The following PLEKHA4 variants were observed in gnomAD, a reference collection of about 807,000 sequenced individuals.
PLEKHA4 encodes the protein pleckstrin homology domain containing A4, also known as pleckstrin homology domain-containing family A member 4.
In PLEKHA4, 73 loss-of-function variants were observed where a neutral mutation model predicts 94.7. That is an observed-to-expected ratio of 0.77 (90% CI 0.64 to 0.94). The LOEUF is 0.94. Ranked by LOEUF, PLEKHA4 falls within the 40% of genes least tolerant of loss-of-function variation. The pLI is 0.00. For missense variants in PLEKHA4, 1,049 were observed against 1,054.1 expected (o/e 1.00, Z 0.07); for synonymous variants, 449 against 437.1 (o/e 1.03, Z -0.34).
chr19:48,846,343 C>T (rs987803051), intron 14 of PLEKHA4, among the ~76,000 whole-genome samples: 8 of 149,382 alleles, frequency 5.4e-5, no homozygotes, highest in Non-Finnish European at 1.2e-4. Flanking sequence ...CCCAGCTACT[C>T]GGGAGGCTGA....
rs1411894511 is a variant in PLEKHA4, at chr19:48,847,943, G to A, written c.1523C>T (p.Ser508Phe). The change falls in exon 14 of 20, where the codon TCC becomes TTC. Residue 508 changes from serine (S) to phenylalanine (F), a missense_variant. Transcript: ENST00000263265. ...QKPPPHTEPD[S>F]PSPVLQGEES... ...CTCGCCCTGGAGCACGGGAGATGGGGAGTCAGGCTCAGTGTGTGGGGGCGG... is the reference window on the plus strand; with the variant it reads ...CTCGCCCTGGAGCACGGGAGATGGGAAGTCAGGCTCAGTGTGTGGGGGCGG... The A allele has an allele frequency of 6.2e-7, 1 of 1,605,684 alleles. No homozygotes were observed. The highest frequency in any genetic ancestry group is 1.7e-5 in the Admixed American group (1 of 58,220).
At chr19:48,843,695 T>A (rs959886630) in intron 16 of PLEKHA4, among the ~76,000 whole-genome samples, 2 of 151,974 alleles carry the variant, frequency 1.3e-5, no homozygotes, top group Non-Finnish European at 2.9e-5. Context: ...TCTTGCTCTG[T>A]CACCCAGGCT....
At position 48,858,627 on chromosome 19, in the gene PLEKHA4, C is replaced by CAAAAAAAAAAAAAAAAAAAAAAAAA. The variant is rs56663437; in HGVS notation, c.972+232_972+233insTTTTTTTTTTTTTTTTTTTTTTTTT. On this transcript the variant is annotated intron_variant, in intron 8 of 19. Coordinates refer to ENST00000263265, the MANE Select transcript of PLEKHA4 (RefSeq NM_020904.3). ...TGGCGACAGAGCAAGACCTCAGTCT[C>CAAAAAAAAAAAAAAAAAAAAAAAAA]AAAAAAAAAAAAAAAAAGCAATGGC... 9.3e-4 allele frequency among the ~76,000 whole-genome samples: 59 copies of CAAAAAAAAAAAAAAAAAAAAAAAAA among 63,418 alleles called. 5 individuals are homozygous for CAAAAAAAAAAAAAAAAAAAAAAAAA. Among genetic ancestry groups the CAAAAAAAAAAAAAAAAAAAAAAAAA allele is most frequent in the African/African-American group, 2.7e-3 (25 of 9,228 alleles). 41.6% of individuals were successfully genotyped at this position (63,418 alleles called of 152,430 possible).
At chr19:48,856,898 C>CAAAAAAA (rs1315657736) in intron 9 of PLEKHA4, among the ~76,000 whole-genome samples, 1,873 of 35,322 alleles carry the variant, frequency 0.053, 122 homozygotes, top group African/African-American at 0.094. Flanking sequence ...GACCCCGTCT[C>CAAAAAAA]AAAAAAAAAA....
intron 16 of PLEKHA4, among the ~76,000 whole-genome samples, chr19:48,843,924 C>T (rs1315554273): frequency 6.6e-6 from 1 of 151,806 alleles, no homozygotes; most frequent in Non-Finnish European, 1.5e-5. Flanking sequence ...TCCCAAAGTG[C>T]TGGGATTACA....
intron 16 of PLEKHA4, 147 bp from the exon 17 acceptor site, chr19:48,841,457 T>C (rs2035765810): frequency 1.2e-6 from 1 of 830,020 alleles, no homozygotes; most frequent in Non-Finnish European, 1.8e-6. Flanking sequence ...CGAAATACCA[T>C]CTCTACTAAA....
intron 13 of PLEKHA4, among the ~76,000 whole-genome samples, chr19:48,850,310 C>G (rs1165456506): frequency 2.0e-5 from 3 of 151,142 alleles, no homozygotes; most frequent in African/African-American, 7.3e-5. Context: ...TCTAGACCAT[C>G]CTGGCCAACA....
intron 13 of PLEKHA4, among the ~76,000 whole-genome samples, chr19:48,849,208 G>T (rs34265013): frequency 0.15 from 22,640 of 151,940 alleles, 2,171 homozygotes; most frequent in African/African-American, 0.27. Context: ...AGCTGGCATG[G>T]GTCTGTTCTT....
At position 48,858,516 on chromosome 19, in the gene PLEKHA4, A is replaced by G. The variant is rs373440809; in HGVS notation, c.972+344T>C. ...GTGGCAGGTGCCTGTAATCCTAGCT[A>G]CTCGGGAGGCTGAGGCAGGAGAATC... On this transcript the variant is annotated intron_variant, in intron 8 of 19. Coordinates refer to ENST00000263265, the MANE Select transcript of PLEKHA4 (RefSeq NM_020904.3). 2.8e-3 allele frequency among the ~76,000 whole-genome samples: 420 copies of G among 151,108 alleles called. 2 individuals are homozygous for G. The highest frequency in any genetic ancestry group is 9.8e-3 in the African/African-American group (400 of 41,002).
intron 2 of PLEKHA4, among the ~76,000 whole-genome samples, chr19:48,866,338 G>A (rs568286708): frequency 5.9e-5 from 9 of 151,856 alleles, no homozygotes; most frequent in Admixed American, 1.3e-4. Context: ...ACAGAGTCTC[G>A]CTCTGTCCCC....
At chr19:48,850,185 A>T (rs1250364357) in intron 13 of PLEKHA4, among the ~76,000 whole-genome samples, 1 of 150,966 alleles carries the variant, frequency 6.6e-6, no homozygotes, top group African/African-American at 2.4e-5. Context: ...CAGCCTGGGC[A>T]ACAGAGCAAG....
At chr19:48,850,905 C>T (rs1272672594) in intron 13 of PLEKHA4, among the ~76,000 whole-genome samples, 4 of 150,526 alleles carry the variant, frequency 2.7e-5, no homozygotes, top group African/African-American at 4.9e-5. Flanking sequence ...TTTGGGAGGC[C>T]GAGGTGGGTG....
At chr19:48,866,962 C>T (rs971672769) in intron 2 of PLEKHA4, among the ~76,000 whole-genome samples, 49 of 152,154 alleles carry the variant, frequency 3.2e-4, no homozygotes, top group Non-Finnish European at 3.7e-4. Flanking sequence ...AGCCAGGTCC[C>T]GACAATATGC....
chr19:48,860,767 G>A (rs1323556130), intron 5 of PLEKHA4, among the ~76,000 whole-genome samples: 2 of 145,232 alleles, frequency 1.4e-5, no homozygotes, highest in South Asian at 2.2e-4. Flanking sequence ...GAGCAAGACC[G>A]TCAAGAAAGA....
chr19:48,864,849 C>A (rs989335048), intron 3 of PLEKHA4, among the ~76,000 whole-genome samples: 3 of 152,124 alleles, frequency 2.0e-5, no homozygotes, highest in African/African-American at 7.2e-5. Flanking sequence ...GGGGTTACAC[C>A]ACTGAACCTG....
chr19:48,866,198 G>C (rs1187390596), intron 2 of PLEKHA4, among the ~76,000 whole-genome samples: 1 of 151,862 alleles, frequency 6.6e-6, no homozygotes, highest in Non-Finnish European at 1.5e-5. Flanking sequence ...TCCAGCCTCA[G>C]CCTCCCATGT....
At position 48,866,052 on chromosome 19, in the gene PLEKHA4, GTGGGGGC is replaced by G. The variant is rs1457045572; in HGVS notation, c.85-449_85-443del. Among the ~76,000 whole-genome samples the G allele has an allele frequency of 7.9e-5, 12 of 151,830 alleles. No individual in the cohort carries two copies. The East Asian group carries it at 2.3e-3, about 29-fold the overall frequency. On this transcript the variant is annotated intron_variant, in intron 2 of 19. Transcript: ENST00000263265. Reference sequence around the variant, plus strand: ...AAAAGAAAGAAAGAAAAGGGTCAAGGTGGGGGCTGAAGTTGGAGATCAGAATTGGGAG... The same window carrying G: ...AAAAGAAAGAAAGAAAAGGGTCAAGGTGAAGTTGGAGATCAGAATTGGGAG...
At chr19:48,857,571 G>C in intron 8 of PLEKHA4, 75 bp from the exon 9 acceptor site, 3 of 836,910 alleles carry the variant, frequency 3.6e-6, no homozygotes, top group Non-Finnish European at 5.9e-6. Flanking sequence ...TCTGTACTAA[G>C]AAAAATTCTT....
intron 14 of PLEKHA4, among the ~76,000 whole-genome samples, chr19:48,846,675 A>G (rs1194744086): frequency 6.6e-6 from 1 of 152,020 alleles, no homozygotes; most frequent in Non-Finnish European, 1.5e-5. Flanking sequence ...AGCTGAGGTG[A>G]GAGAATCACT....
Sources: gnomAD v4.1 joint callset for allele counts (sites outside exome capture counted in the v4.1 genomes callset) on GRCh38, gnomAD v4.1.1 for gene constraint, MANE v1.5 for transcripts, NCBI Gene and HGNC (gene_info 2026-07-23, HGNC 2026-07-21) for gene names.